The following SAMSN1 variants were observed in gnomAD, a reference collection of about 807,000 sequenced individuals.
The protein encoded by SAMSN1 is SAM domain, SH3 domain and nuclear localization signals 1.
In SAMSN1, 31 loss-of-function variants were observed where a neutral mutation model predicts 42.0. The ratio of observed to expected loss-of-function variants is 0.74; its 90% CI spans 0.55 to 1.00. The LOEUF is 1.00. Ranked by LOEUF, SAMSN1 falls within the 50% of genes least tolerant of loss-of-function variation. The probability of loss-of-function intolerance (pLI) is 0.00; values close to 1 mark genes in which losing one functional copy is unlikely to be tolerated. For synonymous variants in SAMSN1, 178 were observed against 151.9 expected, an observed-to-expected ratio of 1.17 and a Z score of -1.26; for missense variants, 464 against 439.4, an observed-to-expected ratio of 1.06 and a Z score of -0.50.
intron 2 of SAMSN1, among the ~76,000 whole-genome samples, chr21:14,555,569 AAC>A (rs749642563): frequency 5.3e-5 from 8 of 152,156 alleles, no homozygotes; most frequent in Admixed American, 1.3e-4. Context: ...GGAAGAAAGC[AAC>A]ACACACAGAT....
At chr21:14,628,580 C>T (rs1369506371) in intron 2 of SAMSN1, among the ~76,000 whole-genome samples, 1 of 152,066 alleles carries the variant, frequency 6.6e-6, no homozygotes, top group African/African-American at 2.4e-5. Flanking sequence ...AACAAGTCAT[C>T]ACAAATGTGA....
chr21:14,526,566 C>T (rs886300935), intron 1 of SAMSN1, among the ~76,000 whole-genome samples: 6 of 152,182 alleles, frequency 3.9e-5, no homozygotes, highest in African/African-American at 7.2e-5. Flanking sequence ...AATACTGTTT[C>T]ATGATATAAA....
chr21:14,487,254 T>C (rs996689616), intron 7 of SAMSN1, among the ~76,000 whole-genome samples: 1 of 152,128 alleles, frequency 6.6e-6, no homozygotes, highest in Non-Finnish European at 1.5e-5. Context: ...TCAGAATCCT[T>C]CAAAGAAGGA....
rs527587166 is a variant in SAMSN1 at position 14,541,025 on chromosome 21, G to T, written c.57+5180C>A. On this transcript the variant is annotated intron_variant, in intron 1 of 7. Coordinates refer to ENST00000400566, the MANE Select transcript of SAMSN1 (RefSeq NM_022136.5). The stretch of plus-strand genomic sequence containing the variant: ...AAACCATCATTCTGAGCAAACTATT[G>T]CAAGGACGGAAAACCAAACACCGCA... 1.3e-3 allele frequency among the ~76,000 whole-genome samples: 201 copies of T among 151,640 alleles called. 2 individuals carry two copies. The highest frequency in any genetic ancestry group is 4.7e-3 in the African/African-American group (194 of 41,318).
intron 1 of SAMSN1, among the ~76,000 whole-genome samples, chr21:14,528,865 A>G (rs555496580): frequency 6.6e-6 from 1 of 152,312 alleles, no homozygotes; most frequent in East Asian, 1.9e-4. Context: ...AGAGCTTTCC[A>G]TCTGCCAAAC....
chr21:14,562,585 T>C (rs1055298777), intron 2 of SAMSN1, among the ~76,000 whole-genome samples: 9 of 150,872 alleles, frequency 6.0e-5, no homozygotes, highest in African/African-American at 2.2e-4. Flanking sequence ...ACTCTTAAAA[T>C]GATTTTGATA....
At position 14,534,378 on chromosome 21, in the gene SAMSN1, A is replaced by G. The variant is rs113309066; in HGVS notation, c.57+11827T>C. ...AGGGATGCAAATATGAGTCAGCTAC[A>G]TCCCCTGATCCTCTGTTCTTGATGG... On this transcript the variant is annotated intron_variant, in intron 1 of 7. Transcript: ENST00000400566. 2.8e-3 allele frequency among the ~76,000 whole-genome samples: 431 copies of G among 152,322 alleles called. 4 individuals carry two copies. Among genetic ancestry groups the G allele is most frequent in the African/African-American group, 9.6e-3 (399 of 41,572 alleles).
intron 1 of SAMSN1, among the ~76,000 whole-genome samples, chr21:14,530,332 A>AAG (rs1555833457): frequency 2.7e-4 from 34 of 125,390 alleles, no homozygotes; most frequent in African/African-American, 7.5e-4. Flanking sequence ...AAAAAAAAAA[A>AAG]AAAAGAAAGA....
At chr21:14,573,114 G>A (rs1314438212) in intron 2 of SAMSN1, among the ~76,000 whole-genome samples, 1 of 152,170 alleles carries the variant, frequency 6.6e-6, no homozygotes, top group East Asian at 1.9e-4. Context: ...TCAAAGGCAT[G>A]AACCACTCAA....
At chr21:14,557,009 A>G (rs7275507) in intron 2 of SAMSN1, among the ~76,000 whole-genome samples, 83,088 of 152,030 alleles carry the variant, frequency 0.55, 23,164 homozygotes, top group East Asian at 0.78. Flanking sequence ...TCTGGTTGGA[A>G]AGAAATCAGA....
chr21:14,541,514 GGTTT>G (rs67772091), intron 1 of SAMSN1, among the ~76,000 whole-genome samples: 80 of 85,468 alleles, frequency 9.4e-4, no homozygotes, highest in East Asian at 2.6e-3. Flanking sequence ...GATTTTTTGT[GGTTT>G]TTTTTGTTTG....
At chr21:14,522,033 A>G (rs1978520909) in intron 1 of SAMSN1, among the ~76,000 whole-genome samples, 1 of 152,228 alleles carries the variant, frequency 6.6e-6, no homozygotes, top group Admixed American at 6.5e-5. Flanking sequence ...TTAGGTATGC[A>G]CAGTCCAAGG....
At chr21:14,534,601 C>A (rs865999407) in intron 1 of SAMSN1, among the ~76,000 whole-genome samples, 4 of 151,738 alleles carry the variant, frequency 2.6e-5, no homozygotes, top group African/African-American at 7.3e-5. Flanking sequence ...CTGCAAGCTC[C>A]GCCTCCCGGG....
At chr21:14,567,775 C>T (rs77000997) in intron 2 of SAMSN1, among the ~76,000 whole-genome samples, 6 of 151,778 alleles carry the variant, frequency 4.0e-5, no homozygotes, top group African/African-American at 1.5e-4. Flanking sequence ...CGCAGCTCAG[C>T]CCTGAAACTG....
chr21:14,512,676 T>G lies in SAMSN1; in HGVS notation c.280-103A>C, dbSNP rs1987740330. ...GACACATATTTTAGCAATAAAATAC[T>G]TAAGGATACATAAGGATAAAATACA... On this transcript the variant is annotated intron_variant, in intron 3 of 7. Transcript: ENST00000400566. 5 of 1,086,546 alleles carry G rather than the reference T, an allele frequency of 4.6e-6. No homozygotes were observed. In the South Asian group the frequency reaches 7.6e-5, roughly 17 times the overall value. The allele number at this position is 1,086,546 out of a possible 1,614,324, so 67.3% of individuals were successfully genotyped here.
At chr21:14,547,129 C>T (rs1473912714), upstream of SAMSN1, among the ~76,000 whole-genome samples, 1 of 152,122 alleles carries the variant, frequency 6.6e-6, no homozygotes. Context: ...TAGACCCATT[C>T]TAAATATAAA....
intron 2 of SAMSN1, among the ~76,000 whole-genome samples, chr21:14,640,892 G>C (rs1486134097): frequency 6.6e-6 from 1 of 151,976 alleles, no homozygotes; most frequent in African/African-American, 2.4e-5. Flanking sequence ...CAGAGCTATA[G>C]CAATTTAAAT....
At chr21:14,492,319 G>A (rs576596551) in intron 7 of SAMSN1, among the ~76,000 whole-genome samples, 79 of 152,208 alleles carry the variant, frequency 5.2e-4, no homozygotes, top group African/African-American at 1.5e-3. Context: ...CTCGAATACC[G>A]ATCTGCTTAT....
At chr21:14,639,176 T>C (rs116642912) in intron 2 of SAMSN1, among the ~76,000 whole-genome samples, 2,370 of 152,360 alleles carry the variant, frequency 0.016, 64 homozygotes, top group African/African-American at 0.052. Flanking sequence ...CTTGATCCAG[T>C]TAGCCCCAAA....
Sources: gnomAD v4.1 joint callset for allele counts (sites outside exome capture counted in the v4.1 genomes callset) on GRCh38, gnomAD v4.1.1 for gene constraint, MANE v1.5 for transcripts, NCBI Gene and HGNC (gene_info 2026-07-23, HGNC 2026-07-21) for gene names.